The following PIK3C2A variants were observed in gnomAD, a reference collection of about 807,000 sequenced individuals.
PIK3C2A encodes phosphatidylinositol-4-phosphate 3-kinase catalytic subunit type 2 alpha.
A neutral mutation model predicts 204.5 loss-of-function variants in PIK3C2A; 97 were observed. The ratio of observed to expected loss-of-function variants is 0.47; its 90% CI spans 0.40 to 0.56. The LOEUF is 0.56. Among genes scored for constraint, PIK3C2A ranks in the 20% least tolerant of loss-of-function variants. PIK3C2A has a pLI of 0.00. For synonymous variants in PIK3C2A, 653 were observed against 664.4 expected, an observed-to-expected ratio of 0.98 and a Z score of 0.26; for missense variants, 1,735 against 1,969.2, an observed-to-expected ratio of 0.88 and a Z score of 2.25.
rs934221662 is a variant in PIK3C2A at position 17,088,483 on chromosome 11, C to T, written c.*1255G>A. ...TCTCAAACTCCTGACCTCAGGTGAT[C>T]CGCCCACCTTGGCCTCCCAAAGTGT... On this transcript the variant is annotated 3_prime_UTR_variant, in exon 33 of 33. Transcript: ENST00000691414. 15 of 152,260 alleles carry T rather than the reference C, an allele frequency of 9.9e-5. No individual in the cohort carries two copies. Among genetic ancestry groups the T allele is most frequent in the African/African-American group, 3.4e-4 (14 of 41,470 alleles). The allele number at this position is 152,260 out of a possible 1,614,324, so 9.4% of individuals were successfully genotyped here.
At chr11:17,107,368 CAAAAG>C (rs979767156) in intron 22 of PIK3C2A, among the ~76,000 whole-genome samples, 2 of 151,858 alleles carry the variant, frequency 1.3e-5, no homozygotes, top group Non-Finnish European at 2.9e-5. Flanking sequence ...GATATTTACA[CAAAAG>C]AAAACAATGA....
At chr11:17,094,708 G>A (rs1039436788) in intron 27 of PIK3C2A, among the ~76,000 whole-genome samples, 29 of 151,982 alleles carry the variant, frequency 1.9e-4, no homozygotes, top group South Asian at 4.2e-4. Context: ...GCAACAGAGC[G>A]AGACTCCATC....
chr11:17,181,043 G>C (rs961527898), intron 1 of PIK3C2A, among the ~76,000 whole-genome samples: 1 of 152,126 alleles, frequency 6.6e-6, no homozygotes, highest in African/African-American at 2.4e-5. Context: ...CTCAGGAACA[G>C]CCAAAGGGAA....
At chr11:17,124,710 CAG>C (rs907765590) in intron 13 of PIK3C2A, among the ~76,000 whole-genome samples, 1 of 152,224 alleles carries the variant, frequency 6.6e-6, no homozygotes, top group Non-Finnish European at 1.5e-5. Context: ...GCATTTGTGA[CAG>C]AGTCTATATG....
chr11:17,201,078 C>T (rs567835974), intron 1 of PIK3C2A, among the ~76,000 whole-genome samples: 8 of 151,786 alleles, frequency 5.3e-5, no homozygotes, highest in South Asian at 4.2e-4. Flanking sequence ...TGGTGGCAGA[C>T]GCCTGTAATC....
rs1358580562 is a variant in PIK3C2A at position 17,105,153 on chromosome 11, G to A, written c.3681+16C>T. On this transcript the variant is annotated intron_variant, in intron 23 of 32. Transcript: ENST00000691414. ...TTTTGACAAAGCTTTTTAGAATGAG[G>A]AGACATGCTAATTACCTTTTCATAT... is the stretch of plus-strand genomic sequence containing the variant. 8 of 1,597,544 alleles carry A rather than the reference G, an allele frequency of 5.0e-6. No individual in the cohort carries two copies. The East Asian group carries it at 1.6e-4, about 31-fold the overall frequency.
rs752142585 is a variant in PIK3C2A at position 17,150,501 on chromosome 11, C to T, written c.1324G>A (p.Asp442Asn). 3.1e-6 allele frequency: 5 copies of T among 1,599,744 alleles called. No homozygotes were observed. The East Asian group carries it at 9.1e-5, about 29-fold the overall frequency. Residue 442 changes from aspartate (D) to asparagine (N), a missense_variant, in exon 4 of 33, where the codon GAT becomes AAT. Asp to Asn is a conservative substitution (Grantham distance 23, BLOSUM62 1). Transcript: ENST00000691414. The part of the protein sequence containing the change: ...GFQLPVTFTC[D>N]VSSTVEIIIM... The stretch of plus-strand genomic sequence containing the variant: ...GCTTGAGGAACCATAAACCTACCAT[C>T]ACACGTAAAAGTAACTGGTAGCTGA...
chr11:17,184,660 G>A (rs1851691435), intron 1 of PIK3C2A, among the ~76,000 whole-genome samples: 1 of 152,142 alleles, frequency 6.6e-6, no homozygotes, highest in Non-Finnish European at 1.5e-5. Context: ...AATGGCTGGG[G>A]ATGGTGTCTC....
Position 17,129,309 on chromosome 11 carries a change from T to A in PIK3C2A, c.2390A>T (p.Asp797Val), listed in dbSNP as rs745763511. 4 of 1,613,308 alleles carry A rather than the reference T, an allele frequency of 2.5e-6. No individual in the cohort carries two copies. The Admixed American group carries it at 6.7e-5, about 27-fold the overall frequency. Residue 797 changes from aspartate to valine, a missense_variant, in exon 13 of 33, where the codon GAC (aspartate) becomes GTC (valine). Physicochemically the swap from Asp to Val is radical, Grantham distance 152. This residue lies in a region of PIK3C2A where 567 missense variants were observed against 576.0 expected (regional missense o/e 0.98). Transcript: ENST00000691414. ...ALGKVSLPLF[D>V]FKRFLTCGTK... Reference sequence around the variant, plus strand: ...ATTCGGTAATACTTACCGTTTAAAGTCAAAAAGAGGTAAAGAAACTTTGCC... The same window carrying A: ...ATTCGGTAATACTTACCGTTTAAAGACAAAAAGAGGTAAAGAAACTTTGCC...
chr11:17,104,779 G>T (rs1242820722), intron 23 of PIK3C2A, among the ~76,000 whole-genome samples: 1 of 151,306 alleles, frequency 6.6e-6, no homozygotes, highest in Non-Finnish European at 1.5e-5. Flanking sequence ...AGTGACTTGG[G>T]ACGGGACCTG....
chr11:17,146,736 A>G (rs1330547430), intron 6 of PIK3C2A, among the ~76,000 whole-genome samples: 4 of 151,970 alleles, frequency 2.6e-5, no homozygotes, highest in Non-Finnish European at 5.9e-5. Context: ...GAAAAAAAAA[A>G]AGAACATCAT....
At chr11:17,172,157 G>A (rs1851193092) in intron 1 of PIK3C2A, among the ~76,000 whole-genome samples, 1 of 152,146 alleles carries the variant, frequency 6.6e-6, no homozygotes, top group Non-Finnish European at 1.5e-5. Context: ...TACTTGGGAT[G>A]TGATTTTCTT....
intron 1 of PIK3C2A, among the ~76,000 whole-genome samples, chr11:17,205,897 G>A (rs1243162915): frequency 1.3e-5 from 2 of 152,236 alleles, no homozygotes; most frequent in African/African-American, 4.8e-5. Flanking sequence ...AAGACGGGCA[G>A]ATCACTTGAG....
chr11:17,207,287 C>G (rs897071711), intron 1 of PIK3C2A, among the ~76,000 whole-genome samples: 3 of 152,102 alleles, frequency 2.0e-5, no homozygotes, highest in Non-Finnish European at 2.9e-5. Flanking sequence ...ATAGTGTTCC[C>G]AAAGCAAGTG....
Position 17,091,656 on chromosome 11 carries a change from T to A in PIK3C2A, c.4643A>T (p.Asp1548Val). The A allele has an allele frequency of 1.3e-6, 2 of 1,551,728 alleles. No homozygotes were observed. Among genetic ancestry groups the A allele is most frequent in the Non-Finnish European group, 1.8e-6 (2 of 1,130,866 alleles). Residue 1548 changes from aspartate to valine, a missense_variant and splice_region_variant, in exon 31 of 33, where the codon GAT (aspartate) becomes GTT (valine). Around this residue, in one of 6 missense-constraint regions of PIK3C2A, gnomAD observed 503 missense variants for 669.0 expected, o/e 0.75. Transcript: ENST00000691414. ...EKAEGIARSA[D>V]AGSFSPTPGQ... ...TGGAGTAGGACTGAAGGAACCTGCATCTGAAAATACAAATATTTTCATCTT... is the reference window on the plus strand; with the variant it reads ...TGGAGTAGGACTGAAGGAACCTGCAACTGAAAATACAAATATTTTCATCTT...
chr11:17,116,141 T>C (rs1849181737), intron 19 of PIK3C2A, among the ~76,000 whole-genome samples: 1 of 151,992 alleles, frequency 6.6e-6, no homozygotes. Context: ...TATTTGCAAA[T>C]AGTGTATGTG....
chr11:17,135,532 GA>G (rs1849841355), intron 9 of PIK3C2A, among the ~76,000 whole-genome samples: 2 of 152,004 alleles, frequency 1.3e-5, no homozygotes. Flanking sequence ...CTTGGTTGGT[GA>G]CTCAAAAAAG....
intron 22 of PIK3C2A, among the ~76,000 whole-genome samples, chr11:17,109,738 G>T (rs1304940412): frequency 1.3e-5 from 2 of 152,062 alleles, no homozygotes; most frequent in Non-Finnish European, 1.5e-5. Flanking sequence ...GTCTCCCTGT[G>T]TTGCCTGGGC....
At position 17,150,090 on chromosome 11, in the gene PIK3C2A, A is replaced by C. The variant is rs1488784483; in HGVS notation, c.1327+408T>G. On this transcript the variant is annotated intron_variant, in intron 4 of 32. Coordinates refer to ENST00000691414, the MANE Select transcript of PIK3C2A (RefSeq NM_002645.4). ...ATCTCTAGAGAGGACACCCATACCAAGTTTGGAAGAAAGGATTAAAATAAA... is the reference window on the plus strand; with the variant it reads ...ATCTCTAGAGAGGACACCCATACCACGTTTGGAAGAAAGGATTAAAATAAA... Among the ~76,000 whole-genome samples the C allele has an allele frequency of 3.3e-5, 5 of 152,326 alleles. No homozygotes were observed. The South Asian group carries it at 1.0e-3, about 32-fold the overall frequency.
Sources: gnomAD v4.1 joint callset for allele counts (sites outside exome capture counted in the v4.1 genomes callset) on GRCh38, gnomAD v4.1.1 for gene constraint, gnomAD v4.1.1 regional missense constraint, MANE v1.5 for transcripts, NCBI Gene and HGNC (gene_info 2026-07-23, HGNC 2026-07-21) for gene names.